Variants in CNIH1 observed in about 807,000 individuals in gnomAD.
CNIH1 encodes the protein protein cornichon homolog 1.
Under a neutral mutation model 20.2 loss-of-function variants are expected in CNIH1, and 12 were observed. The observed-to-expected ratio is 0.59, with a 90% CI of 0.38 to 0.96. The LOEUF (loss-of-function observed/expected upper bound fraction) is 0.96. CNIH1 is among the 40% of genes least tolerant of loss of function. The pLI is 0.00. For missense variants in CNIH1, 152 were observed against 178.8 expected (o/e 0.85, Z 0.85); for synonymous variants, 69 against 63.3 (o/e 1.09, Z -0.43).
At chr14:54,434,139 T>C (rs1392013943) in intron 2 of CNIH1, among the ~76,000 whole-genome samples, 1 of 152,206 alleles carries the variant, frequency 6.6e-6, no homozygotes, top group Non-Finnish European at 1.5e-5. Context: ...ATTTAAAAAA[T>C]AGTGATATTT....
At position 54,425,630 on chromosome 14, in the gene CNIH1, GAC is replaced by G. The variant is rs2030813252; in HGVS notation, c.*2182_*2183del. The stretch of plus-strand genomic sequence containing the variant: ...TAAGTGATCTAATTCATAAAACACT[GAC>G]ATGGTAAAAGTGGGTAGATATTAGG... On this transcript the variant is annotated 3_prime_UTR_variant, in exon 5 of 5. Transcript: ENST00000216416. The G allele has an allele frequency of 6.6e-6, 1 of 152,184 alleles. No individual in the cohort carries two copies. The highest frequency in any genetic ancestry group is 1.5e-5 in the Non-Finnish European group (1 of 68,014). The allele number at this position is 152,184 out of a possible 1,614,324, so 9.4% of individuals were successfully genotyped here. A position where few individuals can be genotyped will look rare whatever the true frequency, so the allele number is the denominator to read the frequency against.
intron 4 of CNIH1, among the ~76,000 whole-genome samples, chr14:54,429,616 G>A (rs534826189): frequency 2.0e-4 from 31 of 152,056 alleles, no homozygotes; most frequent in Non-Finnish European, 3.8e-4. Context: ...AAAATTAGCC[G>A]GGCGTGGTGG....
At chr14:54,432,019 T>G (rs1472205109) in intron 3 of CNIH1, 89 bp downstream of exon 3, 4 of 574,642 alleles carry the variant, frequency 7.0e-6, no homozygotes, top group African/African-American at 2.0e-5. Context: ...CATTTTTATG[T>G]AGGTGACTAG....
At chr14:54,441,179 C>G in intron 1 of CNIH1, 68 bp downstream of exon 1, 1 of 1,413,008 alleles carries the variant, frequency 7.1e-7, no homozygotes, top group South Asian at 1.4e-5. Context: ...CGGCCCGGAC[C>G]GCGGGCCCGG....
intron 2 of CNIH1, among the ~76,000 whole-genome samples, chr14:54,435,436 G>C (rs1209759092): frequency 1.3e-5 from 2 of 152,070 alleles, no homozygotes; most frequent in African/African-American, 2.4e-5. Context: ...GCACAATGGA[G>C]CTACATTATC....
intron 1 of CNIH1, among the ~76,000 whole-genome samples, chr14:54,439,072 G>A (rs1180600034): frequency 6.6e-6 from 1 of 151,982 alleles, no homozygotes; most frequent in Non-Finnish European, 1.5e-5. Context: ...TTTTTTCTTT[G>A]TAAATTACTC....
Position 54,427,796 on chromosome 14 carries a change from A to G in CNIH1, c.*18T>C, listed in dbSNP as rs201278380. 1.5e-5 allele frequency: 25 copies of G among 1,613,534 alleles called. No homozygotes were observed. The highest frequency in any genetic ancestry group is 8.9e-5 in the East Asian group (4 of 44,876). Reference sequence around the variant, plus strand: ...TTTTTGCATGCACTTAACTGGACCAATTCTTCTGTGTGTTGTTCTAAGAGC... The same window carrying G: ...TTTTTGCATGCACTTAACTGGACCAGTTCTTCTGTGTGTTGTTCTAAGAGC... On this transcript the variant is annotated 3_prime_UTR_variant, in exon 5 of 5. Transcript: ENST00000216416.
intron 3 of CNIH1, among the ~76,000 whole-genome samples, chr14:54,431,460 T>C (rs970053411): frequency 7.2e-5 from 11 of 152,182 alleles, no homozygotes; most frequent in Admixed American, 1.3e-4. Flanking sequence ...TCAAAGTCCA[T>C]TGTAGACCTG....
chr14:54,430,620 C>A (rs1454157545), intron 3 of CNIH1, among the ~76,000 whole-genome samples: 1 of 152,146 alleles, frequency 6.6e-6, no homozygotes, highest in East Asian at 1.9e-4. Context: ...TTCTTCTAGT[C>A]TCTGCCTTTT....
At chr14:54,431,757 C>T (rs552585685) in intron 3 of CNIH1, among the ~76,000 whole-genome samples, 1 of 152,150 alleles carries the variant, frequency 6.6e-6, no homozygotes, top group Non-Finnish European at 1.5e-5. Flanking sequence ...GGGTAACTGA[C>T]TTAAGATGGG....
intron 1 of CNIH1, chr14:54,436,904 T>C (rs2031066339): frequency 2.9e-6 from 1 of 344,804 alleles, no homozygotes. Context: ...GCCATCGATA[T>C]GGCTTTTCTC....
chr14:54,427,905 TGA>T (rs1485018479), intron 4 of CNIH1, 64 bp from the exon 5 acceptor site: 25 of 1,479,812 alleles, frequency 1.7e-5, no homozygotes, highest in Non-Finnish European at 2.3e-5. Flanking sequence ...ACTCAGAGCA[TGA>T]GAGAGTATGC....
intron 2 of CNIH1, among the ~76,000 whole-genome samples, chr14:54,433,037 A>G (rs2030981309): frequency 6.6e-6 from 1 of 152,216 alleles, no homozygotes; most frequent in African/African-American, 2.4e-5. Flanking sequence ...AGAAAAATTA[A>G]TTCGAGCAAA....
intron 2 of CNIH1, chr14:54,436,125 G>A: frequency 1.4e-6 from 1 of 702,972 alleles, no homozygotes; most frequent in East Asian, 2.7e-5. Context: ...CTTTTCAACT[G>A]TCTTTGGCCG....
At position 54,441,258 on chromosome 14, in the gene CNIH1, C is replaced by G; in HGVS notation, c.70G>C (p.Ala24Pro). 6.6e-7 allele frequency: 1 copy of G among 1,518,496 alleles called. No homozygotes were observed. Among genetic ancestry groups the G allele is most frequent in the Non-Finnish European group, 8.8e-7 (1 of 1,130,856 alleles). 94.1% of individuals were successfully genotyped at this position (1,518,496 alleles called of 1,614,324 possible). ...LLLTAALIFF[A>P]IWHIIAFDEL... is the part of the protein sequence containing the mutation. ...CCCCAGCTACTCACGTGCCAAATGGCGAAGAAGATGAGCGCGGCAGTGAGC... is the reference window on the plus strand; with the variant it reads ...CCCCAGCTACTCACGTGCCAAATGGGGAAGAAGATGAGCGCGGCAGTGAGC... The change falls in exon 1 of 5, where the codon GCC becomes CCC. Residue 24 changes from alanine to proline, a missense_variant. Coordinates refer to ENST00000216416, the MANE Select transcript of CNIH1 (RefSeq NM_005776.3).
intron 1 of CNIH1, among the ~76,000 whole-genome samples, chr14:54,439,147 T>A (rs186239042): frequency 7.4e-4 from 113 of 152,302 alleles, no homozygotes; most frequent in South Asian, 2.1e-3. Flanking sequence ...AGATACTACC[T>A]AAGATGATAA....
intron 1 of CNIH1, among the ~76,000 whole-genome samples, chr14:54,438,544 TCAAA>T (rs2031101052): frequency 6.6e-6 from 1 of 152,216 alleles, no homozygotes; most frequent in African/African-American, 2.4e-5. Flanking sequence ...TTTTAATTTT[TCAAA>T]CAATCTATGC....
intron 2 of CNIH1, among the ~76,000 whole-genome samples, chr14:54,433,356 A>G (rs1325744839): frequency 6.6e-6 from 1 of 152,224 alleles, no homozygotes; most frequent in Non-Finnish European, 1.5e-5. Flanking sequence ...ACTCTTTCCA[A>G]TTTAAAGCTG....
chr14:54,439,090 C>T (rs181507430), intron 1 of CNIH1, among the ~76,000 whole-genome samples: 7 of 152,206 alleles, frequency 4.6e-5, no homozygotes, highest in Non-Finnish European at 7.4e-5. Flanking sequence ...CTCAGCCTCC[C>T]GTATTCCTGT....
Sources: allele counts gnomAD v4.1 joint callset (sites outside exome capture counted in the v4.1 genomes callset), GRCh38; gene constraint gnomAD v4.1.1; transcripts MANE v1.5; gene names NCBI Gene and HGNC (gene_info 2026-07-23, HGNC 2026-07-21).